Variants in TEC observed in about 807,000 individuals in gnomAD.
The protein encoded by TEC is tec protein tyrosine kinase.
In TEC, 72 loss-of-function variants were observed where a neutral mutation model predicts 93.0. The ratio of observed to expected loss-of-function variants is 0.77; its 90% CI spans 0.64 to 0.94. The LOEUF is 0.94. Among genes scored for constraint, TEC ranks in the 40% least tolerant of loss-of-function variants. The pLI is 0.00. For synonymous variants in TEC, 249 were observed against 247.7 expected (o/e 1.01, Z -0.05); for missense variants, 630 against 757.9 (o/e 0.83, Z 1.98).
intron 2 of TEC, among the ~76,000 whole-genome samples, chr4:48,182,478 G>A (rs960668816): frequency 6.6e-6 from 1 of 151,650 alleles, no homozygotes; most frequent in African/African-American, 2.4e-5. Flanking sequence ...CTGACACTTA[G>A]TGGATACTAA....
At chr4:48,147,874 A>G (rs1451746326) in intron 11 of TEC, among the ~76,000 whole-genome samples, 1 of 152,148 alleles carries the variant, frequency 6.6e-6, no homozygotes, top group Non-Finnish European at 1.5e-5. Context: ...ATATTATCTG[A>G]TTATTTCAAT....
At chr4:48,144,721 A>C (rs1719832187) in intron 14 of TEC, among the ~76,000 whole-genome samples, 1 of 152,156 alleles carries the variant, frequency 6.6e-6, no homozygotes, top group Non-Finnish European at 1.5e-5. Context: ...GGCCAACCCC[A>C]ATTTCCCTAT....
intron 14 of TEC, chr4:48,141,739 G>C (rs1281933400): frequency 4.4e-6 from 1 of 225,922 alleles, no homozygotes; most frequent in Non-Finnish European, 8.5e-6. Flanking sequence ...TGGAAGTGCA[G>C]TGGCACAATC....
intron 1 of TEC, among the ~76,000 whole-genome samples, chr4:48,269,530 G>A (rs563538274): frequency 5.6e-4 from 86 of 152,388 alleles, no homozygotes; most frequent in African/African-American, 2.0e-3. Flanking sequence ...AGGAAGGCGA[G>A]GCTGCGCCAC....
intron 1 of TEC, among the ~76,000 whole-genome samples, chr4:48,254,870 C>T (rs754687233): frequency 2.6e-5 from 4 of 151,704 alleles, no homozygotes; most frequent in Non-Finnish European, 5.9e-5. Flanking sequence ...TTCACTAGGG[C>T]AGGGCTTACT....
chr4:48,269,116 G>A (rs1724715237), intron 1 of TEC, among the ~76,000 whole-genome samples: 1 of 152,176 alleles, frequency 6.6e-6, no homozygotes, highest in Non-Finnish European at 1.5e-5. Context: ...GGGTATTGGG[G>A]GGGTGGGGAA....
intron 2 of TEC, among the ~76,000 whole-genome samples, chr4:48,205,581 A>G (rs1218803213): frequency 2.6e-5 from 4 of 152,228 alleles, no homozygotes; most frequent in Admixed American, 2.0e-4. Flanking sequence ...TGCATTTTTT[A>G]AAATAAGCTA....
intron 2 of TEC, among the ~76,000 whole-genome samples, chr4:48,189,478 G>A (rs1002301520): frequency 3.3e-5 from 5 of 152,142 alleles, no homozygotes; most frequent in Non-Finnish European, 5.9e-5. Context: ...CACCCCCGAG[G>A]TTTCAATACA....
At chr4:48,212,111 ATAT>A (rs370201001) in intron 2 of TEC, among the ~76,000 whole-genome samples, 8,590 of 101,562 alleles carry the variant, frequency 0.085, 877 homozygotes, top group African/African-American at 0.23. Flanking sequence ...AAAAAAAAAA[ATAT>A]ATATATATAT....
In TEC at chr4:48,199,281, G is replaced by A. The variant is rs376496369; in HGVS notation, c.139-23095C>T. ...TCTCTAACCCCAACTTCTCACTTGC[G>A]TCTTAAATCTGTATCTCTAAACTAC... On this transcript the variant is annotated intron_variant, in intron 2 of 17. Coordinates refer to ENST00000381501, the MANE Select transcript of TEC (RefSeq NM_003215.3). Among the ~76,000 whole-genome samples the A allele has an allele frequency of 1.7e-4, 26 of 152,000 alleles. No individual in the cohort carries two copies. In the East Asian group the frequency reaches 3.5e-3, roughly 20 times the overall value.
intron 2 of TEC, among the ~76,000 whole-genome samples, chr4:48,182,952 C>T (rs1165520715): frequency 6.6e-6 from 1 of 152,190 alleles, no homozygotes; most frequent in Non-Finnish European, 1.5e-5. Flanking sequence ...CCACCACACA[C>T]AGGGAAAGGC....
chr4:48,150,548 ACTGGTGGGCAGGGTCT>A (rs1720114669), intron 10 of TEC, among the ~76,000 whole-genome samples: 1 of 152,158 alleles, frequency 6.6e-6, no homozygotes, highest in East Asian at 1.9e-4. Context: ...CTACTAACCT[ACTGGTGGGCAGGGTCT>A]CTGCCTCCTT....
chr4:48,177,654 C>A (rs759146411), intron 2 of TEC, among the ~76,000 whole-genome samples: 2 of 152,144 alleles, frequency 1.3e-5, no homozygotes, highest in Non-Finnish European at 2.9e-5. Flanking sequence ...AACCCCACAC[C>A]CCCTTGACAC....
intron 2 of TEC, 151 bp downstream of exon 2, chr4:48,228,326 C>T: frequency 1.3e-6 from 1 of 793,302 alleles, no homozygotes; most frequent in Non-Finnish European, 1.8e-6. Flanking sequence ...AATTTCTATC[C>T]ATACTCTGAA....
At chr4:48,179,357 TATATATATATATATA>T (rs1560393102) in intron 2 of TEC, among the ~76,000 whole-genome samples, 3 of 38,826 alleles carry the variant, frequency 7.7e-5, no homozygotes, top group African/African-American at 1.1e-4. Flanking sequence ...TATATATATA[TATATATATATATATA>T]TATATTTTTT....
chr4:48,265,444 CGT>C (rs1560430011), intron 1 of TEC, among the ~76,000 whole-genome samples: 27 of 27,734 alleles, frequency 9.7e-4, no homozygotes, highest in African/African-American at 1.5e-3. Flanking sequence ...CACATATATA[CGT>C]ATATATATAC....
chr4:48,177,029 T>G (rs1721360218), intron 2 of TEC, among the ~76,000 whole-genome samples: 1 of 152,182 alleles, frequency 6.6e-6, no homozygotes, highest in Admixed American at 6.5e-5. Context: ...TATTCTAATT[T>G]TCTTCCCCAT....
At chr4:48,260,481 G>C (rs1229458922) in intron 1 of TEC, among the ~76,000 whole-genome samples, 1 of 152,206 alleles carries the variant, frequency 6.6e-6, no homozygotes, top group Non-Finnish European at 1.5e-5. Flanking sequence ...AGCTACTCAG[G>C]AGGCTGAAGC....
intron 2 of TEC, among the ~76,000 whole-genome samples, chr4:48,186,546 C>A (rs1329596795): frequency 1.3e-5 from 2 of 151,382 alleles, no homozygotes; most frequent in Non-Finnish European, 2.9e-5. Flanking sequence ...GCCGGACCGC[C>A]ACCCTGTCTG....
Sources: allele counts gnomAD v4.1 joint callset (sites outside exome capture counted in the v4.1 genomes callset), GRCh38; gene constraint gnomAD v4.1.1; transcripts MANE v1.5; gene names NCBI Gene and HGNC (gene_info 2026-07-23, HGNC 2026-07-21).